Variants in NID1 observed in about 807,000 individuals in gnomAD.
The protein encoded by NID1 is nidogen-1.
Under a neutral mutation model 130.6 loss-of-function variants are expected in NID1, and 76 were observed. That is an observed-to-expected ratio of 0.58 (90% CI 0.48 to 0.70). The LOEUF (loss-of-function observed/expected upper bound fraction) is 0.70. NID1 is among the 30% of genes least tolerant of loss of function. The pLI, the probability that NID1 is intolerant of heterozygous loss-of-function variation, is 0.00. For synonymous variants in NID1, 665 were observed against 675.1 expected (o/e 0.98, Z 0.23); for missense variants, 1,517 against 1,664.8 (o/e 0.91, Z 1.54).
At chr1:235,986,633 C>A (rs925836247) in intron 14 of NID1, among the ~76,000 whole-genome samples, 5 of 152,134 alleles carry the variant, frequency 3.3e-5, no homozygotes, top group African/African-American at 1.2e-4. Flanking sequence ...GTTAATTTTT[C>A]TATTTTTTTG....
At chr1:236,054,426 A>G (rs1362165815) in intron 1 of NID1, among the ~76,000 whole-genome samples, 1 of 152,140 alleles carries the variant, frequency 6.6e-6, no homozygotes, top group Non-Finnish European at 1.5e-5. Flanking sequence ...ATTGCACTCC[A>G]TACTGGGCTA....
intron 12 of NID1, among the ~76,000 whole-genome samples, chr1:235,997,430 T>C (rs1657958074): frequency 6.6e-6 from 1 of 152,150 alleles, no homozygotes; most frequent in Non-Finnish European, 1.5e-5. Context: ...CCAGTTATGT[T>C]AAGGGGAAAT....
chr1:236,005,192 T>A (rs1192999427), intron 12 of NID1, among the ~76,000 whole-genome samples: 1 of 150,510 alleles, frequency 6.6e-6, no homozygotes, highest in Non-Finnish European at 1.5e-5. Flanking sequence ...AACAAAAAAA[T>A]GTAAGCAGAG....
chr1:236,053,927 CT>C (rs1366284431), intron 1 of NID1, among the ~76,000 whole-genome samples: 2 of 152,002 alleles, frequency 1.3e-5, no homozygotes, highest in Admixed American at 1.3e-4. Context: ...ATGCCAATTA[CT>C]AAAATAAAAT....
At chr1:236,020,036 T>TAAAAA (rs57925295) in intron 9 of NID1, among the ~76,000 whole-genome samples, 10 of 88,332 alleles carry the variant, frequency 1.1e-4, no homozygotes, top group East Asian at 6.4e-4. Flanking sequence ...GACTCTGCCT[T>TAAAAA]AAAAAAAAAA....
intron 2 of NID1, 61 bp from the exon 3 acceptor site, chr1:236,045,744 T>G (rs1659583372): frequency 7.7e-7 from 1 of 1,298,782 alleles, no homozygotes; most frequent in African/African-American, 1.5e-5. Context: ...TAAAATGTGT[T>G]ATTCGCCAGA....
rs1659580056 is a variant in NID1 at position 236,045,633 on chromosome 1, G to A, written c.576C>T (p.Ala192=). The A allele has an allele frequency of 6.2e-7, 1 of 1,614,048 alleles. No homozygotes were observed. The highest frequency in any genetic ancestry group is 1.7e-5 in the Admixed American group (1 of 59,994). ...GACCATCCTCAGGATAAAGGAAAATGGCATAGGAGCTGGAATCAGAGGAGG... is the reference window on the plus strand; with the variant it reads ...GACCATCCTCAGGATAAAGGAAAATAGCATAGGAGCTGGAATCAGAGGAGG... ...VLASSDSSSY[A]IFLYPEDGLQ... is the part of the protein sequence containing the mutation. The change falls in exon 3 of 20, where the codon GCC becomes GCT. Residue 192 remains alanine (A), a synonymous_variant. Coordinates refer to ENST00000264187, the MANE Select transcript of NID1 (RefSeq NM_002508.3).
chr1:236,048,115 C>T (rs1397685482), intron 2 of NID1, among the ~76,000 whole-genome samples: 5 of 147,474 alleles, frequency 3.4e-5, no homozygotes, highest in South Asian at 2.1e-4. Flanking sequence ...GGGTGGATCA[C>T]GAGATCAAGA....
chr1:236,045,739 T>G (rs961014321), intron 2 of NID1, 56 bp from the exon 3 acceptor site: 1 of 1,354,790 alleles, frequency 7.4e-7, no homozygotes, highest in Non-Finnish European at 1.0e-6. Flanking sequence ...GATTTTAAAA[T>G]GTGTTATTCG....
intron 10 of NID1, 140 bp downstream of exon 10, chr1:236,017,008 G>A: frequency 9.3e-7 from 1 of 1,075,508 alleles, no homozygotes; most frequent in Admixed American, 1.9e-5. Flanking sequence ...CAGAGGCTAA[G>A]TCTGATTCAT....
intron 1 of NID1, among the ~76,000 whole-genome samples, chr1:236,062,269 C>G (rs1476132838): frequency 6.6e-6 from 1 of 152,166 alleles, no homozygotes; most frequent in Non-Finnish European, 1.5e-5. Context: ...CCTTCTTTTT[C>G]CCCACCATGC....
rs926987960 is a variant in NID1, at chr1:236,032,458, T to C, written c.1480A>G (p.Ile494Val). The C allele has an allele frequency of 2.5e-6, 4 of 1,614,112 alleles. No homozygotes were observed. Among genetic ancestry groups the C allele is most frequent in the South Asian group, 1.1e-5 (1 of 91,078 alleles). Residue 494 changes from isoleucine (I) to valine (V), a missense_variant, in exon 6 of 20, where the codon ATT (isoleucine) becomes GTT (valine). Ile to Val is a conservative substitution (Grantham distance 29). Transcript: ENST00000264187. ...LLPLAPVGGI[I>V]GWMFAVEQDG... ...TGCTCCACTGCAAACATCCATCCAA[T>C]GATGCCTCCAACTGGGGCCAGTGGA...
chr1:236,007,268 G>A (rs548304285), intron 12 of NID1, among the ~76,000 whole-genome samples: 37 of 152,252 alleles, frequency 2.4e-4, no homozygotes, highest in African/African-American at 8.4e-4. Context: ...TCCTGGACCA[G>A]GTTTTACATT....
chr1:236,016,631 C>T (rs770363533), intron 10 of NID1, among the ~76,000 whole-genome samples: 13 of 152,002 alleles, frequency 8.6e-5, no homozygotes, highest in Non-Finnish European at 1.5e-4. Flanking sequence ...AATTAATAGC[C>T]GCAACTTACT....
At chr1:236,060,576 A>G (rs1660011716) in intron 1 of NID1, 1 of 152,054 alleles carries the variant, frequency 6.6e-6, no homozygotes, top group African/African-American at 2.4e-5. Context: ...AATATTTTCA[A>G]CTTAATCCAG....
intron 2 of NID1, 64 bp downstream of exon 2, chr1:236,048,626 G>A: frequency 6.5e-7 from 1 of 1,542,846 alleles, no homozygotes; most frequent in East Asian, 2.3e-5. Flanking sequence ...CACAAGGCGT[G>A]AGACCAAAGT....
chr1:236,036,409 C>G (rs1047804607), intron 5 of NID1, among the ~76,000 whole-genome samples: 1 of 152,138 alleles, frequency 6.6e-6, no homozygotes. Flanking sequence ...GAAATGATAA[C>G]GAATTTAATT....
intron 15 of NID1, among the ~76,000 whole-genome samples, chr1:235,984,621 T>C (rs751469853): frequency 2.0e-5 from 3 of 152,226 alleles, no homozygotes; most frequent in Non-Finnish European, 4.4e-5. Flanking sequence ...ATCATCAGCA[T>C]GACAATGCCA....
At chr1:235,986,573 A>G (rs1331288857) in intron 14 of NID1, among the ~76,000 whole-genome samples, 1 of 152,172 alleles carries the variant, frequency 6.6e-6, no homozygotes, top group East Asian at 1.9e-4. Context: ...AATGTAAACA[A>G]TTTACATTTA....
Sources: allele counts gnomAD v4.1 joint callset (sites outside exome capture counted in the v4.1 genomes callset), GRCh38; gene constraint gnomAD v4.1.1; transcripts MANE v1.5; gene names NCBI Gene and HGNC (gene_info 2026-07-23, HGNC 2026-07-21).